Variants in CEP70 observed in about 807,000 individuals in gnomAD.
The protein encoded by CEP70 is centrosomal protein 70, also known as centrosomal protein of 70 kDa.
CEP70 carries 70 observed loss-of-function variants against 90.9 expected under a neutral mutation model. That is an observed-to-expected ratio of 0.77 (90% CI 0.64 to 0.94). CEP70 has a LOEUF of 0.94. Ranked by LOEUF, CEP70 falls within the 40% of genes least tolerant of loss-of-function variation. The probability of loss-of-function intolerance (pLI) is 0.00; values close to 1 mark genes in which losing one functional copy is unlikely to be tolerated. For synonymous variants in CEP70, 220 were observed against 228.3 expected (o/e 0.96, Z 0.33); for missense variants, 648 against 669.0 (o/e 0.97, Z 0.35).
At position 138,529,456 on chromosome 3, in the gene CEP70, AT is replaced by A. The variant is rs2037612461; in HGVS notation, c.698del (p.Tyr233LeufsTer27). The A allele has an allele frequency of 6.3e-7, 1 of 1,596,056 alleles. No individual in the cohort carries two copies. The highest frequency in any genetic ancestry group is 8.6e-7 in the Non-Finnish European group (1 of 1,168,220). The part of the protein sequence containing the change: ...KIRKIHTQRQ[Y>X]KEDESQSEEE... ...CTTCTGACTGACTTTCATCTTCTTT[AT>A]ATTGCCTATGAAAATATGTATGCAG... is the stretch of plus-strand genomic sequence containing the variant. On this transcript the variant is annotated frameshift_variant, in exon 9 of 18. Transcript: ENST00000264982. LOFTEE classifies it high-confidence loss of function.
chr3:138,582,192 G>A (rs948391905), intron 2 of CEP70, among the ~76,000 whole-genome samples: 2 of 152,156 alleles, frequency 1.3e-5, no homozygotes, highest in East Asian at 1.9e-4. Flanking sequence ...AGTACACAGA[G>A]TCTGGGCACA....
chr3:138,553,467 G>T (rs1248101785), intron 6 of CEP70, among the ~76,000 whole-genome samples: 1 of 149,712 alleles, frequency 6.7e-6, no homozygotes, highest in Non-Finnish European at 1.5e-5. Context: ...GCGACAGAGA[G>T]AGACTCCATC....
chr3:138,517,226 A>G (rs946503693), intron 11 of CEP70, among the ~76,000 whole-genome samples: 31 of 152,012 alleles, frequency 2.0e-4, no homozygotes, highest in Admixed American at 3.3e-4. Flanking sequence ...TTTTGTTCTC[A>G]CTTAAATATA....
At chr3:138,542,840 T>TG (rs1018179311) in intron 6 of CEP70, among the ~76,000 whole-genome samples, 15 of 152,022 alleles carry the variant, frequency 9.9e-5, no homozygotes, top group African/African-American at 3.4e-4. Context: ...GTGAGCAAGG[T>TG]GGGGAGAAGC....
intron 6 of CEP70, among the ~76,000 whole-genome samples, chr3:138,561,583 C>T (rs916394637): frequency 6.6e-6 from 1 of 152,086 alleles, no homozygotes; most frequent in Non-Finnish European, 1.5e-5. Flanking sequence ...TGGGTAATAA[C>T]AAATTCCTCT....
At chr3:138,570,156 A>G (rs2041065551) in intron 6 of CEP70, among the ~76,000 whole-genome samples, 162 bp downstream of exon 6, 1 of 152,174 alleles carries the variant, frequency 6.6e-6, no homozygotes, top group Non-Finnish European at 1.5e-5. Context: ...TCAGAGGGAA[A>G]TAAAGGACAT....
At chr3:138,547,061 CG>C (rs2039264631) in intron 6 of CEP70, among the ~76,000 whole-genome samples, 1 of 152,116 alleles carries the variant, frequency 6.6e-6, no homozygotes, top group African/African-American at 2.4e-5. Context: ...AAATAAAAAA[CG>C]GATGTGACTC....
intron 7 of CEP70, among the ~76,000 whole-genome samples, chr3:138,533,943 C>T (rs2038050023): frequency 6.6e-6 from 1 of 152,132 alleles, no homozygotes; most frequent in African/African-American, 2.4e-5. Context: ...TGCCACCACG[C>T]CCAGCTAATT....
intron 2 of CEP70, among the ~76,000 whole-genome samples, chr3:138,574,298 C>A (rs1056384571): frequency 6.6e-6 from 1 of 152,238 alleles, no homozygotes; most frequent in Non-Finnish European, 1.5e-5. Flanking sequence ...TATCCCATGC[C>A]TGGCTCAGTG....
intron 6 of CEP70, among the ~76,000 whole-genome samples, chr3:138,542,117 TG>T (rs1460154933): frequency 1.3e-5 from 2 of 151,924 alleles, no homozygotes; most frequent in Non-Finnish European, 2.9e-5. Flanking sequence ...TGCAGAGCAG[TG>T]AGGGGTGTGT....
intron 9 of CEP70, 40 bp from the exon 10 acceptor site, chr3:138,529,327 ATTAC>A (rs764423550): frequency 5.7e-5 from 89 of 1,565,860 alleles, no homozygotes; most frequent in South Asian, 1.6e-4. Flanking sequence ...ACTTTCTTAG[ATTAC>A]TTAGTTTATT....
chr3:138,537,603 C>T (rs980925088), intron 6 of CEP70, among the ~76,000 whole-genome samples: 1 of 151,994 alleles, frequency 6.6e-6, no homozygotes, highest in African/African-American at 2.4e-5. Flanking sequence ...ACATTTCTTA[C>T]CAAGTAAAGG....
At chr3:138,579,102 T>C (rs1265507412) in intron 2 of CEP70, among the ~76,000 whole-genome samples, 1 of 152,156 alleles carries the variant, frequency 6.6e-6, no homozygotes, top group Non-Finnish European at 1.5e-5. Context: ...ACTGTGGAAC[T>C]TTGCATTGAA....
At chr3:138,559,301 A>G (rs1281524763) in intron 6 of CEP70, among the ~76,000 whole-genome samples, 3 of 152,220 alleles carry the variant, frequency 2.0e-5, no homozygotes, top group African/African-American at 7.2e-5. Flanking sequence ...TGAGGCAGAA[A>G]CAATATTTGA....
intron 11 of CEP70, among the ~76,000 whole-genome samples, chr3:138,525,196 T>C (rs564497732): frequency 2.7e-5 from 4 of 150,326 alleles, no homozygotes; most frequent in East Asian, 3.9e-4. Flanking sequence ...TTCTCACTCA[T>C]AGGTGGGAGT....
chr3:138,525,694 C>G (rs190023105), intron 10 of CEP70, 130 bp from the exon 11 acceptor site: 1 of 372,108 alleles, frequency 2.7e-6, no homozygotes, highest in Non-Finnish European at 4.7e-6. Flanking sequence ...GAAAATATTT[C>G]ATGACTGCTA....
chr3:138,570,992 C>T (rs752984897), intron 5 of CEP70, 42 bp downstream of exon 5: 62 of 1,430,888 alleles, frequency 4.3e-5, no homozygotes, highest in East Asian at 1.3e-4. Flanking sequence ...ATTTTTAGAA[C>T]GCATACAAAC....
rs532303011 is a variant in CEP70, at chr3:138,539,684, C to T, written c.466-2337G>A. Among the ~76,000 whole-genome samples the T allele has an allele frequency of 2.6e-5, 4 of 152,172 alleles. No individual in the cohort carries two copies. In the South Asian group the frequency reaches 8.3e-4, roughly 32 times the overall value. ...AATATAGAAAATTACCTCAAAAGAG[C>T]AAATCTAAGAATCATTGGCCTTCAA... On this transcript the variant is annotated intron_variant, in intron 6 of 17. Transcript: ENST00000264982.
rs200840397 is a variant in CEP70 at position 138,551,757 on chromosome 3, A to T, written c.466-14410T>A. On this transcript the variant is annotated intron_variant, in intron 6 of 17. Transcript: ENST00000264982. ...GTGAAACTCCATCTAAAAAAAAAAA[A>T]ATAAAATAAAACAAAACCCAAAGTA... Among the ~76,000 whole-genome samples, 25 of 137,628 alleles carry T rather than the reference A, an allele frequency of 1.8e-4. No individual in the cohort carries two copies. The East Asian group carries it at 3.7e-3, about 20-fold the overall frequency. 90.3% of individuals were successfully genotyped at this position (137,628 alleles called of 152,430 possible).
Sources: gnomAD v4.1 joint callset for allele counts (sites outside exome capture counted in the v4.1 genomes callset) on GRCh38, gnomAD v4.1.1 for gene constraint, MANE v1.5 for transcripts, NCBI Gene and HGNC (gene_info 2026-07-23, HGNC 2026-07-21) for gene names.